The following DTNA variants were observed in gnomAD, a reference collection of about 807,000 sequenced individuals.
DTNA encodes the protein dystrophin-related protein 3.
DTNA carries 43 observed loss-of-function variants against 100.7 expected under a neutral mutation model. That is an observed-to-expected ratio of 0.43 (90% CI 0.33 to 0.55). The LOEUF is 0.55. Ranked by LOEUF, DTNA falls within the 20% of genes least tolerant of loss-of-function variation. The pLI, the probability that DTNA is intolerant of heterozygous loss-of-function variation, is 0.04. For missense variants in DTNA, 798 were observed against 953.9 expected (o/e 0.84, Z 2.15); for synonymous variants, 349 against 347.9 (o/e 1.00, Z -0.04).
chr18:34,890,095 T>A lies in DTNA; in HGVS notation c.*2361T>A. 1.4e-6 allele frequency: 2 copies of A among 1,399,070 alleles called. No individual in the cohort carries two copies. Among genetic ancestry groups the A allele is most frequent in the South Asian group, 3.5e-5 (2 of 57,662 alleles). The allele number at this position is 1,399,070 out of a possible 1,614,324, so 86.7% of individuals were successfully genotyped here. On this transcript the variant is annotated 3_prime_UTR_variant, in exon 23 of 23. Transcript: ENST00000444659. ...CTGACTGGACCGAGCTGGCATATGT[T>A]GTTTCTTTGTGTTTCTACATCAAAA...
chr18:34,796,478 C>A (rs1009057722), intron 4 of DTNA, among the ~76,000 whole-genome samples: 1 of 152,202 alleles, frequency 6.6e-6, no homozygotes, highest in Non-Finnish European at 1.5e-5. Context: ...TTTAAGAGAA[C>A]CGTCTGTATT....
chr18:34,543,012 C>A (rs948019057), intron 1 of DTNA, among the ~76,000 whole-genome samples: 2 of 151,956 alleles, frequency 1.3e-5, no homozygotes, highest in Non-Finnish European at 2.9e-5. Context: ...GACCTCTGAG[C>A]CTTTACAAAT....
intron 3 of DTNA, among the ~76,000 whole-genome samples, chr18:34,775,288 G>C (rs1842412): frequency 1.3e-5 from 2 of 151,922 alleles, no homozygotes; most frequent in Non-Finnish European, 2.9e-5. Context: ...AGATCGAGAC[G>C]ATCCTGGTGA....
chr18:34,728,075 C>T (rs1346690860), intron 1 of DTNA, among the ~76,000 whole-genome samples: 3 of 152,092 alleles, frequency 2.0e-5, no homozygotes, highest in Admixed American at 6.5e-5. Context: ...TCAGCAGATA[C>T]GTATTACTTT....
chr18:34,695,822 A>G (rs1363068997), intron 1 of DTNA, among the ~76,000 whole-genome samples: 2 of 152,188 alleles, frequency 1.3e-5, no homozygotes, highest in Non-Finnish European at 2.9e-5. Flanking sequence ...AACACTCTCA[A>G]ACAGCTTTTT....
At chr18:34,882,653 C>T (rs2096884545) in intron 21 of DTNA, among the ~76,000 whole-genome samples, 1 of 152,128 alleles carries the variant, frequency 6.6e-6, no homozygotes, top group African/African-American at 2.4e-5. Flanking sequence ...CAGGCGTGAG[C>T]CACTGCACCC....
intron 13 of DTNA, among the ~76,000 whole-genome samples, chr18:34,841,899 A>G (rs565364976): frequency 6.6e-6 from 1 of 152,306 alleles, no homozygotes; most frequent in African/African-American, 2.4e-5. Context: ...CTTATTTGTA[A>G]TAGTTTGCTG....
chr18:34,813,158 C>A (rs118190788), intron 6 of DTNA, among the ~76,000 whole-genome samples: 1 of 152,092 alleles, frequency 6.6e-6, no homozygotes, highest in Non-Finnish European at 1.5e-5. Context: ...TTTTGAGAAT[C>A]CAAACTAACT....
chr18:34,869,445 A>G (rs1021441936), intron 17 of DTNA, among the ~76,000 whole-genome samples: 1 of 152,186 alleles, frequency 6.6e-6, no homozygotes, highest in Non-Finnish European at 1.5e-5. Flanking sequence ...AGAAAAAAAG[A>G]GTCATTTTTA....
At chr18:34,624,574 A>G (rs1434492035) in intron 1 of DTNA, among the ~76,000 whole-genome samples, 1 of 152,208 alleles carries the variant, frequency 6.6e-6, no homozygotes, top group Non-Finnish European at 1.5e-5. Context: ...AACTGTGGAA[A>G]TGTTTGTTCT....
At chr18:34,771,888 C>T (rs1330337639) in intron 3 of DTNA, among the ~76,000 whole-genome samples, 1 of 152,024 alleles carries the variant, frequency 6.6e-6, no homozygotes, top group Non-Finnish European at 1.5e-5. Context: ...GCTGTTTCTA[C>T]CATAACATTA....
At chr18:34,635,316 G>A (rs2058546274) in intron 1 of DTNA, among the ~76,000 whole-genome samples, 1 of 152,076 alleles carries the variant, frequency 6.6e-6, no homozygotes, top group African/African-American at 2.4e-5. Flanking sequence ...AAATAATGCT[G>A]CAATTAATAT....
At chr18:34,586,320 G>A (rs562699978) in intron 1 of DTNA, among the ~76,000 whole-genome samples, 1 of 152,294 alleles carries the variant, frequency 6.6e-6, no homozygotes, top group African/African-American at 2.4e-5. Flanking sequence ...TCATTAAGAG[G>A]GAGTAATGCC....
chr18:34,768,684 C>T (rs1177066615), intron 3 of DTNA, among the ~76,000 whole-genome samples: 1 of 152,168 alleles, frequency 6.6e-6, no homozygotes, highest in Non-Finnish European at 1.5e-5. Flanking sequence ...AAGCTTATAC[C>T]TGTCCAGTGG....
At chr18:34,875,213 A>G in intron 17 of DTNA, 26 bp from the exon 18 acceptor site, 1 of 1,610,562 alleles carries the variant, frequency 6.2e-7, no homozygotes, top group Non-Finnish European at 8.5e-7. Context: ...GGGAAAGCAA[A>G]TTAATGACCT....
chr18:34,654,833 T>G (rs2074127225), intron 1 of DTNA, among the ~76,000 whole-genome samples: 1 of 152,010 alleles, frequency 6.6e-6, no homozygotes, highest in Non-Finnish European at 1.5e-5. Context: ...TTCAAGCGAT[T>G]CTCCTGCCTC....
chr18:34,879,610 G>A lies in DTNA; in HGVS notation c.2053G>A (p.Asp685Asn), dbSNP rs1250463678. 6.2e-7 allele frequency: 1 copy of A among 1,614,046 alleles called. No individual in the cohort carries two copies. Among genetic ancestry groups the A allele is most frequent in the East Asian group, 2.2e-5 (1 of 44,860 alleles). Residue 685 changes from aspartate (D) to asparagine (N), a missense_variant, in exon 20 of 23, where the codon GAT becomes AAT. This residue lies in a region of DTNA where 242 missense variants were observed against 238.2 expected (regional missense o/e 1.02). Transcript: ENST00000444659. ...TGAATTTGCACGGACTCAGTTTGAGGATCTTGTTCCCTCACCAACCTCTGA... is the reference window on the plus strand; with the variant it reads ...TGAATTTGCACGGACTCAGTTTGAGAATCTTGTTCCCTCACCAACCTCTGA... Reference protein sequence around the residue: ...DSEFARTQFEDLVPSPTSEKA... With the variant: ...DSEFARTQFENLVPSPTSEKA...
At chr18:34,823,703 C>T (rs2095785428) in intron 9 of DTNA, among the ~76,000 whole-genome samples, 1 of 152,208 alleles carries the variant, frequency 6.6e-6, no homozygotes. Context: ...TTTCCCCTTG[C>T]TTTACTAAAT....
intron 1 of DTNA, among the ~76,000 whole-genome samples, chr18:34,563,360 G>T (rs1348897267): frequency 1.3e-5 from 2 of 152,276 alleles, no homozygotes; most frequent in East Asian, 1.9e-4. Context: ...CTCTTCCAGG[G>T]CTTTCAGAAG....
Sources: allele counts gnomAD v4.1 joint callset (sites outside exome capture counted in the v4.1 genomes callset), GRCh38; gene constraint gnomAD v4.1.1; regional missense constraint gnomAD v4.1.1; transcripts MANE v1.5; gene names NCBI Gene and HGNC (gene_info 2026-07-23, HGNC 2026-07-21).